The following GPRIN3 variants were observed in gnomAD, a reference collection of about 807,000 sequenced individuals.
GPRIN3 encodes the protein GPRIN family member 3.
Under a neutral mutation model 13.7 loss-of-function variants are expected in GPRIN3, and 12 were observed. That is an observed-to-expected ratio of 0.87 (90% CI 0.56 to 1.42). The LOEUF is 1.42. Ranked by LOEUF, GPRIN3 falls within the 40% of genes most tolerant of loss-of-function variation. The pLI is 0.00. For synonymous variants in GPRIN3, 377 were observed against 372.7 expected, an observed-to-expected ratio of 1.01 and a Z score of -0.13; for missense variants, 1,009 against 958.7, an observed-to-expected ratio of 1.05 and a Z score of -0.69.
At position 89,246,948 on chromosome 4, in the gene GPRIN3, T is replaced by C. The variant is rs569003657; in HGVS notation, c.*832A>G. ...TTAGTATTATCCCTAATTTGATGGC[T>C]CTTTTCAAGAATTCAGTCCCATGTA... On this transcript the variant is annotated 3_prime_UTR_variant, in exon 2 of 2. Coordinates refer to ENST00000609438, the MANE Select transcript of GPRIN3 (RefSeq NM_198281.3). The C allele has an allele frequency of 6.6e-6, 1 of 152,334 alleles. No individual in the cohort carries two copies. Among genetic ancestry groups the C allele is most frequent in the Non-Finnish European group, 1.5e-5 (1 of 68,032 alleles). 9.4% of individuals were successfully genotyped at this position (152,334 alleles called of 1,614,324 possible).
intron 1 of GPRIN3, among the ~76,000 whole-genome samples, chr4:89,289,736 G>A (rs896375998): frequency 6.6e-6 from 1 of 152,088 alleles, no homozygotes; most frequent in East Asian, 1.9e-4. Context: ...AGGCACAGCT[G>A]CCTCAGACAC....
Position 89,248,580 on chromosome 4 carries a change from G to A in GPRIN3, c.1531C>T (p.Leu511=), listed in dbSNP as rs780414484. ...CTGATAGAGCCACAAGAGTCAGATAGTTTGCAATCTGGGTCTGTTTTGTGG... is the reference window on the plus strand; with the variant it reads ...CTGATAGAGCCACAAGAGTCAGATAATTTGCAATCTGGGTCTGTTTTGTGG... ...NGHKTDPDCK[L]SDSCGSISKA... The change falls in exon 2 of 2, where the codon CTA becomes TTA. Residue 511 remains leucine, a synonymous_variant. Transcript: ENST00000609438. The A allele has an allele frequency of 4.3e-6, 7 of 1,613,338 alleles. No individual in the cohort carries two copies. The highest frequency in any genetic ancestry group is 3.3e-5 in the Admixed American group (2 of 59,994).
intron 1 of GPRIN3, among the ~76,000 whole-genome samples, chr4:89,265,024 T>C (rs1723745576): frequency 6.6e-6 from 1 of 152,184 alleles, no homozygotes; most frequent in African/African-American, 2.4e-5. Context: ...CTGCCTTTTG[T>C]GTTTTGGCCT....
At chr4:89,262,125 C>CAAAA (rs61290252) in intron 1 of GPRIN3, among the ~76,000 whole-genome samples, 6 of 53,812 alleles carry the variant, frequency 1.1e-4, no homozygotes, top group African/African-American at 3.3e-4. Flanking sequence ...GACCCAGTCT[C>CAAAA]AAAAAAAAAA....
At chr4:89,256,313 A>C (rs941968667) in intron 1 of GPRIN3, among the ~76,000 whole-genome samples, 5 of 152,196 alleles carry the variant, frequency 3.3e-5, no homozygotes, top group African/African-American at 1.2e-4. Flanking sequence ...TGGCATTAAC[A>C]TCCACTACAG....
In GPRIN3 at chr4:89,247,000, T is replaced by G. The variant is rs1285132259; in HGVS notation, c.*780A>C. ...TTCCTCTAGGGTAAGAAAATATGAATATGTCTGGTCAGAATCACAGAGATG... is the reference window on the plus strand; with the variant it reads ...TTCCTCTAGGGTAAGAAAATATGAAGATGTCTGGTCAGAATCACAGAGATG... On this transcript the variant is annotated 3_prime_UTR_variant, in exon 2 of 2. Coordinates refer to ENST00000609438, the MANE Select transcript of GPRIN3 (RefSeq NM_198281.3). 1 of 152,218 alleles carries G rather than the reference T, an allele frequency of 6.6e-6. No individual in the cohort carries two copies. Among genetic ancestry groups the G allele is most frequent in the Non-Finnish European group, 1.5e-5 (1 of 68,040 alleles). 9.4% of individuals were successfully genotyped at this position (152,218 alleles called of 1,614,324 possible).
chr4:89,256,900 G>A (rs896954908), intron 1 of GPRIN3, among the ~76,000 whole-genome samples: 7 of 152,142 alleles, frequency 4.6e-5, no homozygotes, highest in Non-Finnish European at 4.4e-5. Context: ...CTTTAATTGG[G>A]AACTTTTGCC....
chr4:89,302,075 C>T (rs1724912973), intron 1 of GPRIN3, among the ~76,000 whole-genome samples: 1 of 152,144 alleles, frequency 6.6e-6, no homozygotes, highest in Non-Finnish European at 1.5e-5. Flanking sequence ...TCTTAGATCA[C>T]CCAGCTGATC....
chr4:89,252,756 C>A lies in GPRIN3; in HGVS notation c.-123-2523G>T, dbSNP rs183019766. ...AATATTTTCCCATCCCTGGTCTTAA[C>A]TGCTTTCTGCTCAAACCATTTCTGT... On this transcript the variant is annotated intron_variant, in intron 1 of 1. Coordinates refer to ENST00000609438, the MANE Select transcript of GPRIN3 (RefSeq NM_198281.3). 5.3e-3 allele frequency among the ~76,000 whole-genome samples: 802 copies of A among 152,274 alleles called. 4 individuals are homozygous for A. Among genetic ancestry groups the A allele is most frequent in the Non-Finnish European group, 9.0e-3 (615 of 68,016 alleles).
chr4:89,267,940 A>C (rs1183254759), intron 1 of GPRIN3, among the ~76,000 whole-genome samples: 1 of 152,158 alleles, frequency 6.6e-6, no homozygotes, highest in Non-Finnish European at 1.5e-5. Flanking sequence ...CATCTAGTAC[A>C]CACCTAGATG....
chr4:89,299,328 T>G (rs974626158), intron 1 of GPRIN3, among the ~76,000 whole-genome samples: 10 of 152,026 alleles, frequency 6.6e-5, no homozygotes, highest in African/African-American at 2.4e-4. Context: ...GGATTAATAA[T>G]TAGATGAGGG....
chr4:89,305,179 A>G (rs537730703), intron 1 of GPRIN3, among the ~76,000 whole-genome samples: 2 of 152,090 alleles, frequency 1.3e-5, no homozygotes, highest in Admixed American at 1.3e-4. Flanking sequence ...CTGTTTTTCA[A>G]CCACCTGGAG....
chr4:89,269,111 G>A (rs1723858148), intron 1 of GPRIN3, among the ~76,000 whole-genome samples: 2 of 152,236 alleles, frequency 1.3e-5, no homozygotes, highest in South Asian at 4.1e-4. Context: ...ATATTTCTAG[G>A]TTAGTCATTG....
intron 1 of GPRIN3, among the ~76,000 whole-genome samples, chr4:89,264,076 C>T (rs1723718961): frequency 6.6e-6 from 1 of 152,116 alleles, no homozygotes; most frequent in African/African-American, 2.4e-5. Context: ...CACATATTGC[C>T]TCTTCTATAG....
rs934496061 is a variant in GPRIN3 at position 89,246,023 on chromosome 4, T to C, written c.*1757A>G. On this transcript the variant is annotated 3_prime_UTR_variant, in exon 2 of 2. Coordinates refer to ENST00000609438, the MANE Select transcript of GPRIN3 (RefSeq NM_198281.3). ...ATGCAAGCTTTGTCTACAGTTAAAT[T>C]GCTTCAAAATAAATCAAAGGCTTTT... 6 of 152,218 alleles carry C rather than the reference T, an allele frequency of 3.9e-5. No individual in the cohort carries two copies. Among genetic ancestry groups the C allele is most frequent in the African/African-American group, 1.4e-4 (6 of 41,466 alleles). The allele number at this position is 152,218 out of a possible 1,614,324, so 9.4% of individuals were successfully genotyped here.
At chr4:89,256,290 G>C (rs1271768755) in intron 1 of GPRIN3, among the ~76,000 whole-genome samples, 1 of 152,074 alleles carries the variant, frequency 6.6e-6, no homozygotes, top group Non-Finnish European at 1.5e-5. Flanking sequence ...TTGCAATCCA[G>C]GGGCAGCCTA....
chr4:89,257,296 T>C (rs1723492893), intron 1 of GPRIN3, among the ~76,000 whole-genome samples: 1 of 152,192 alleles, frequency 6.6e-6, no homozygotes, highest in South Asian at 2.1e-4. Context: ...AACGAGCGCA[T>C]GGCCTGTTAT....
chr4:89,283,116 G>A (rs549045143), intron 1 of GPRIN3, among the ~76,000 whole-genome samples: 41 of 152,326 alleles, frequency 2.7e-4, no homozygotes, highest in African/African-American at 9.9e-4. Flanking sequence ...TGAGGGCTAT[G>A]AGAGGAAGTA....
chr4:89,279,344 G>A (rs1724181178), intron 1 of GPRIN3, among the ~76,000 whole-genome samples: 1 of 152,042 alleles, frequency 6.6e-6, no homozygotes, highest in Non-Finnish European at 1.5e-5. Context: ...TGCCACCATG[G>A]CCATACCCTA....
Sources: gnomAD v4.1 joint callset for allele counts (sites outside exome capture counted in the v4.1 genomes callset) on GRCh38, gnomAD v4.1.1 for gene constraint, MANE v1.5 for transcripts, NCBI Gene and HGNC (gene_info 2026-07-23, HGNC 2026-07-21) for gene names.